The following ANKS1B variants were observed in gnomAD, a reference collection of about 807,000 sequenced individuals.
ANKS1B encodes the protein ankyrin repeat and sterile alpha motif domain containing 1B.
Under a neutral mutation model 148.3 loss-of-function variants are expected in ANKS1B, and 36 were observed. The ratio of observed to expected loss-of-function variants is 0.24; its 90% confidence interval spans 0.19 to 0.32. The LOEUF is 0.32. ANKS1B is among the 10% of genes least tolerant of loss of function. ANKS1B has a pLI of 1.00. For missense variants in ANKS1B, 1,157 were observed against 1,542.6 expected (o/e 0.75, Z 4.19); for synonymous variants, 542 against 560.8 (o/e 0.97, Z 0.47).
chr12:99,232,617 T>C (rs2087067435), intron 14 of ANKS1B, among the ~76,000 whole-genome samples: 2 of 152,202 alleles, frequency 1.3e-5, no homozygotes, highest in African/African-American at 4.8e-5. Context: ...AAAGTGTGAG[T>C]ATTTGAAGTA....
rs979222981 is a variant in ANKS1B, at chr12:99,465,077, G to C, written c.1439-21268C>G. On this transcript the variant is annotated intron_variant, in intron 10 of 26. Coordinates refer to ENST00000683438, the MANE Select transcript of ANKS1B (RefSeq NM_001352186.2). ...GTTACCCACAAAGGGAAGCCCATCA[G>C]ACTAACAGCTGAACTCTCTGCAGAA... 1.1e-4 allele frequency among the ~76,000 whole-genome samples: 16 copies of C among 152,232 alleles called. 1 individual carries two copies. Among genetic ancestry groups the C allele is most frequent in the African/African-American group, 3.9e-4 (16 of 41,464 alleles).
At chr12:99,050,690 CTTTTTTTT>C (rs62812561) in intron 17 of ANKS1B, among the ~76,000 whole-genome samples, 20 of 113,560 alleles carry the variant, frequency 1.8e-4, no homozygotes, top group African/African-American at 5.7e-4. Flanking sequence ...TTTTCTTTTT[CTTTTTTTT>C]TTTTTTTTTT....
At chr12:99,983,538 T>C (rs2095739466) in intron 1 of ANKS1B, among the ~76,000 whole-genome samples, 1 of 152,184 alleles carries the variant, frequency 6.6e-6, no homozygotes, top group Admixed American at 6.5e-5. Flanking sequence ...TTGCTGGGGC[T>C]GCCTAACCTG....
chr12:99,371,056 T>C (rs1446576137), intron 12 of ANKS1B, among the ~76,000 whole-genome samples: 2 of 152,080 alleles, frequency 1.3e-5, no homozygotes, highest in African/African-American at 4.8e-5. Context: ...CCTCAAATCA[T>C]GGGACAGTTT....
rs983632826 is a variant in ANKS1B, at chr12:99,259,176, T to C, written c.1757-12312A>G. Among the ~76,000 whole-genome samples, 5 of 152,194 alleles carry C rather than the reference T, an allele frequency of 3.3e-5. No homozygotes were observed. The East Asian group carries it at 7.7e-4, about 24-fold the overall frequency. ...GGCATCAGTACAATGCACCATCCACTGGAGTGTCCTATCCAAGTAGCACTG... is the reference window on the plus strand; with the variant it reads ...GGCATCAGTACAATGCACCATCCACCGGAGTGTCCTATCCAAGTAGCACTG... On this transcript the variant is annotated intron_variant, in intron 12 of 26. Transcript: ENST00000683438.
chr12:99,095,970 G>T (rs1278554502), intron 15 of ANKS1B, among the ~76,000 whole-genome samples: 1 of 152,182 alleles, frequency 6.6e-6, no homozygotes, highest in Non-Finnish European at 1.5e-5. Context: ...GGGACTAACA[G>T]GTTCTAAATC....
At chr12:99,147,083 TTGC>T (rs1398158818) in intron 15 of ANKS1B, among the ~76,000 whole-genome samples, 1 of 152,102 alleles carries the variant, frequency 6.6e-6, no homozygotes, top group East Asian at 1.9e-4. Context: ...CAGAAAAAGT[TTGC>T]TGGCCCCTGT....
intron 17 of ANKS1B, among the ~76,000 whole-genome samples, chr12:98,867,619 G>T (rs567469224): frequency 6.6e-6 from 1 of 152,290 alleles, no homozygotes; most frequent in African/African-American, 2.4e-5. Flanking sequence ...CCAGCACTTT[G>T]GGAGGCTGAG....
At position 99,089,501 on chromosome 12, in the gene ANKS1B, G is replaced by A. The variant is rs988426958; in HGVS notation, c.2527-4478C>T. ...TTGGACAACAAAGATACAGAACATC[G>A]CCATCATTGTAGCAAGTTCCATTAG... is the stretch of plus-strand genomic sequence containing the variant. On this transcript the variant is annotated intron_variant, in intron 15 of 26. Coordinates refer to ENST00000683438, the MANE Select transcript of ANKS1B (RefSeq NM_001352186.2). Among the ~76,000 whole-genome samples the A allele has an allele frequency of 2.6e-5, 4 of 152,136 alleles. No individual in the cohort carries two copies. In the East Asian group the frequency reaches 5.8e-4, roughly 22 times the overall value.
chr12:99,582,076 T>C (rs954680886), intron 9 of ANKS1B, among the ~76,000 whole-genome samples: 6 of 151,982 alleles, frequency 3.9e-5, no homozygotes, highest in African/African-American at 1.4e-4. Context: ...TAAAAGAATA[T>C]ATATGAATGG....
intron 17 of ANKS1B, among the ~76,000 whole-genome samples, chr12:98,989,378 G>T (rs2099925237): frequency 6.6e-6 from 1 of 152,264 alleles, no homozygotes; most frequent in Non-Finnish European, 1.5e-5. Context: ...CCTTTCCTCA[G>T]TGTGCCTTCT....
intron 1 of ANKS1B, among the ~76,000 whole-genome samples, chr12:99,954,526 G>A (rs1313309105): frequency 6.6e-6 from 1 of 152,164 alleles, no homozygotes; most frequent in Non-Finnish European, 1.5e-5. Context: ...ATGACCAATT[G>A]TTCACAATTA....
chr12:99,163,955 A>C (rs1190651126), intron 14 of ANKS1B, among the ~76,000 whole-genome samples: 1 of 152,114 alleles, frequency 6.6e-6, no homozygotes, highest in African/African-American at 2.4e-5. Flanking sequence ...TGGTGTTGTC[A>C]ATTTTTTTAT....
chr12:99,737,664 C>A (rs191770648), intron 8 of ANKS1B, among the ~76,000 whole-genome samples: 1 of 152,130 alleles, frequency 6.6e-6, no homozygotes, highest in East Asian at 1.9e-4. Context: ...GATCACCTCC[C>A]CATACCATGT....
At chr12:99,941,086 T>C (rs572107007) in intron 1 of ANKS1B, among the ~76,000 whole-genome samples, 1 of 152,244 alleles carries the variant, frequency 6.6e-6, no homozygotes, top group South Asian at 2.1e-4. Context: ...ATATCTGGTA[T>C]GTCACAGATG....
chr12:98,822,013 G>A (rs954697413), intron 19 of ANKS1B, among the ~76,000 whole-genome samples: 1 of 151,786 alleles, frequency 6.6e-6, no homozygotes, highest in African/African-American at 2.4e-5. Context: ...CACGGAGAGG[G>A]AGGCTCTTTG....
intron 9 of ANKS1B, among the ~76,000 whole-genome samples, chr12:99,555,541 C>T (rs577947974): frequency 6.6e-6 from 1 of 152,200 alleles, no homozygotes; most frequent in African/African-American, 2.4e-5. Context: ...ATGCTTCTAG[C>T]TTTTGTGCAT....
intron 12 of ANKS1B, among the ~76,000 whole-genome samples, chr12:99,316,360 AT>A (rs911059043): frequency 1.3e-4 from 20 of 152,168 alleles, no homozygotes; most frequent in Admixed American, 1.1e-3. Flanking sequence ...AATGATCGCC[AT>A]TTTAACTGGT....
chr12:99,138,957 CTTTT>C (rs1165586281), intron 15 of ANKS1B, among the ~76,000 whole-genome samples: 2 of 151,544 alleles, frequency 1.3e-5, no homozygotes, highest in South Asian at 4.2e-4. Flanking sequence ...CTTTCTCTCT[CTTTT>C]TTCTTTTTCT....
Sources: gnomAD v4.1 joint callset for allele counts (sites outside exome capture counted in the v4.1 genomes callset) on GRCh38, gnomAD v4.1.1 for gene constraint, MANE v1.5 for transcripts, NCBI Gene and HGNC (gene_info 2026-07-23, HGNC 2026-07-21) for gene names.